TRDN: variants seen among roughly 807,000 people sequenced by gnomAD.
The protein encoded by TRDN is triadin.
TRDN carries 161 observed loss-of-function variants against 149.7 expected under a neutral mutation model. That is an observed-to-expected ratio of 1.08 (90% CI 0.95 to 1.23). TRDN has a LOEUF of 1.23. TRDN is among the 50% of genes most tolerant of loss of function. TRDN has a pLI of 0.00. For synonymous variants in TRDN, 294 were observed against 250.5 expected (o/e 1.17, Z -1.64); for missense variants, 896 against 823.5 (o/e 1.09, Z -1.08).
At chr6:123,574,867 TATATATATATATATATATATATATATAC>T (rs1425299206) in intron 1 of TRDN, among the ~76,000 whole-genome samples, 4 of 118,418 alleles carry the variant, frequency 3.4e-5, no homozygotes, top group African/African-American at 1.2e-4. Context: ...CATATATATA[TATATATATATATATATATATATATATAC>T]ACACATTTTC....
At position 123,342,562 on chromosome 6, in the gene TRDN, G is replaced by A. The variant is rs4142848; in HGVS notation, c.1370-4893C>T. Among the ~76,000 whole-genome samples, 4 of 151,740 alleles carry A rather than the reference G, an allele frequency of 2.6e-5. No homozygotes were observed. In the East Asian group the frequency reaches 7.7e-4, roughly 29 times the overall value. On this transcript the variant is annotated intron_variant, in intron 21 of 40. Transcript: ENST00000334268. ...GTTAGGCATTTTTTAACATAAGATC[G>A]CTTTAACTTCTCACCTGTCTCCAAA...
At chr6:123,597,852 T>TG (rs1784108531) in intron 1 of TRDN, among the ~76,000 whole-genome samples, 1 of 151,814 alleles carries the variant, frequency 6.6e-6, no homozygotes, top group African/African-American at 2.4e-5. Context: ...TTATATGTAC[T>TG]GGGATACCAA....
chr6:123,500,677 G>C (rs1778658493), intron 8 of TRDN, among the ~76,000 whole-genome samples: 1 of 152,084 alleles, frequency 6.6e-6, no homozygotes, highest in African/African-American at 2.4e-5. Context: ...AGGAAGCAGT[G>C]ATAGATGTCA....
At chr6:123,266,962 C>G in intron 32 of TRDN, among the ~76,000 whole-genome samples, 1 of 148,390 alleles carries the variant, frequency 6.7e-6, no homozygotes, top group Non-Finnish European at 1.5e-5. Context: ...AAAAAATTAG[C>G]TGGGCATGGT....
chr6:123,244,997 G>A (rs1047391361), intron 38 of TRDN, among the ~76,000 whole-genome samples: 1 of 152,092 alleles, frequency 6.6e-6, no homozygotes, highest in Non-Finnish European at 1.5e-5. Context: ...ACCAAACTAA[G>A]CTTCATAAGC....
rs1780382058 is a variant in TRDN at position 123,349,639 on chromosome 6, CT to C, written c.1369+2899del. 3 of 930,558 alleles carry C rather than the reference CT, an allele frequency of 3.2e-6. No individual in the cohort carries two copies. In the African/African-American group the frequency reaches 5.3e-5, roughly 17 times the overall value. 57.6% of individuals were successfully genotyped at this position (930,558 alleles called of 1,614,324 possible). ...ATTGATTTTAAATGTAAAATTGTTT[CT>C]GTCTTTTTTTATAACTTTGGTACAC... On this transcript the variant is annotated intron_variant, in intron 21 of 40. Coordinates refer to ENST00000334268, the MANE Select transcript of TRDN (RefSeq NM_006073.4).
chr6:123,522,005 T>G (rs1413082137), intron 5 of TRDN, among the ~76,000 whole-genome samples: 1 of 152,190 alleles, frequency 6.6e-6, no homozygotes, highest in Non-Finnish European at 1.5e-5. Context: ...GAATGTGTAT[T>G]ATCACCTAGT....
At chr6:123,281,952 T>G (rs1316502977) in intron 24 of TRDN, among the ~76,000 whole-genome samples, 2 of 152,036 alleles carry the variant, frequency 1.3e-5, no homozygotes, top group Non-Finnish European at 2.9e-5. Flanking sequence ...CTTATGAATG[T>G]GCCTTGTGTG....
At chr6:123,483,534 T>G (rs1777857689) in intron 9 of TRDN, among the ~76,000 whole-genome samples, 1 of 152,124 alleles carries the variant, frequency 6.6e-6, no homozygotes, top group Non-Finnish European at 1.5e-5. Context: ...ACAACCACAA[T>G]AAAGCTGAAG....
Position 123,252,398 on chromosome 6 carries a change from C to T in TRDN, c.1975+14G>A. ...TATCAAAGAGAACTTGTCATTAATA[C>T]AAACCGTACTTACTTGATACTCTTG... On this transcript the variant is annotated intron_variant, in intron 38 of 40. Transcript: ENST00000334268. 6.7e-7 allele frequency: 1 copy of T among 1,491,926 alleles called. No homozygotes were observed. The highest frequency in any genetic ancestry group is 9.1e-7 in the Non-Finnish European group (1 of 1,095,460). The allele number at this position is 1,491,926 out of a possible 1,614,324, so 92.4% of individuals were successfully genotyped here. A position where few individuals can be genotyped will look rare whatever the true frequency, so the allele number is the denominator to read the frequency against.
chr6:123,355,718 T>A (rs780157021), intron 20 of TRDN, among the ~76,000 whole-genome samples: 1 of 151,802 alleles, frequency 6.6e-6, no homozygotes, highest in East Asian at 1.9e-4. Context: ...ATTTTGAGAA[T>A]TGATATCTTT....
At chr6:123,268,434 T>C (rs1053495536) in intron 31 of TRDN, among the ~76,000 whole-genome samples, 2 of 152,092 alleles carry the variant, frequency 1.3e-5, no homozygotes, top group South Asian at 2.1e-4. Context: ...TCATTCTCTT[T>C]CATCAAAAGT....
chr6:123,402,965 A>C lies in TRDN; in HGVS notation c.1052-9288T>G, dbSNP rs75678786. Among the ~76,000 whole-genome samples the C allele has an allele frequency of 3.1e-3, 467 of 152,342 alleles. 13 individuals are homozygous for C. In the East Asian group the frequency reaches 0.076, roughly 25 times the overall value. The stretch of plus-strand genomic sequence containing the variant: ...CACATTTTAAGTTTGAAGCGATGGT[A>C]CAAATTTAAATGAAAATATTGAGTA... On this transcript the variant is annotated intron_variant, in intron 12 of 40. Coordinates refer to ENST00000334268, the MANE Select transcript of TRDN (RefSeq NM_006073.4).
At chr6:123,475,593 G>A (rs1160332429) in intron 9 of TRDN, among the ~76,000 whole-genome samples, 228 of 121,312 alleles carry the variant, frequency 1.9e-3, no homozygotes, top group African/African-American at 7.3e-3. Flanking sequence ...AAGCCAGGCA[G>A]AGACACAACC....
At chr6:123,597,594 A>G (rs1030448435) in intron 1 of TRDN, among the ~76,000 whole-genome samples, 4 of 152,016 alleles carry the variant, frequency 2.6e-5, no homozygotes, top group Non-Finnish European at 5.9e-5. Flanking sequence ...AGCAAACTTC[A>G]TTGTTGTCTT....
At chr6:123,581,468 A>T (rs1481845686) in intron 1 of TRDN, among the ~76,000 whole-genome samples, 1 of 152,216 alleles carries the variant, frequency 6.6e-6, no homozygotes, top group Non-Finnish European at 1.5e-5. Context: ...TAAGGCCCCA[A>T]TAGTTATTAA....
chr6:123,430,709 G>A (rs1008589615), intron 12 of TRDN, among the ~76,000 whole-genome samples: 4 of 152,024 alleles, frequency 2.6e-5, no homozygotes, highest in Non-Finnish European at 1.5e-5. Flanking sequence ...AAAAATAGTC[G>A]CATGTATACT....
intron 30 of TRDN, among the ~76,000 whole-genome samples, chr6:123,270,280 G>A (rs548923309): frequency 1.3e-4 from 19 of 151,828 alleles, no homozygotes; most frequent in Admixed American, 3.9e-4. Context: ...ATGTGAAAAC[G>A]GCCTTATGAG....
At chr6:123,226,650 T>C (rs370390893) in intron 38 of TRDN, among the ~76,000 whole-genome samples, 1 of 151,786 alleles carries the variant, frequency 6.6e-6, no homozygotes. Flanking sequence ...TAGAGATGCA[T>C]TTTCTGTGGA....
Sources: gnomAD v4.1 joint callset for allele counts (sites outside exome capture counted in the v4.1 genomes callset) on GRCh38, gnomAD v4.1.1 for gene constraint, MANE v1.5 for transcripts, NCBI Gene and HGNC (gene_info 2026-07-23, HGNC 2026-07-21) for gene names.